The following NKAIN2 variants were observed in gnomAD, a reference collection of about 807,000 sequenced individuals.
The protein encoded by NKAIN2 is sodium/potassium-transporting ATPase subunit beta-1-interacting protein 2.
A neutral mutation model predicts 32.6 loss-of-function variants in NKAIN2; 14 were observed. The observed-to-expected ratio is 0.43, with a 90% CI of 0.28 to 0.67. NKAIN2 has a LOEUF of 0.67. NKAIN2 is among the 30% of genes least tolerant of loss of function. The pLI, the probability that NKAIN2 is intolerant of heterozygous loss-of-function variation, is 0.17. For synonymous variants in NKAIN2, 80 were observed against 87.2 expected, an observed-to-expected ratio of 0.92 and a Z score of 0.46; for missense variants, 198 against 258.3, an observed-to-expected ratio of 0.77 and a Z score of 1.60.
intron 1 of NKAIN2, among the ~76,000 whole-genome samples, chr6:123,865,018 C>T (rs999902349): frequency 1.3e-5 from 2 of 152,038 alleles, no homozygotes; most frequent in African/African-American, 4.8e-5. Flanking sequence ...TCTAATCCTT[C>T]TAATTAAGTT....
At chr6:123,860,613 GT>G (rs1775749417) in intron 1 of NKAIN2, among the ~76,000 whole-genome samples, 1 of 152,086 alleles carries the variant, frequency 6.6e-6, no homozygotes, top group Non-Finnish European at 1.5e-5. Context: ...ATTTCACCAT[GT>G]TGCCCAGGCT....
chr6:124,585,617 T>C (rs1206193275), intron 3 of NKAIN2, among the ~76,000 whole-genome samples: 1 of 152,106 alleles, frequency 6.6e-6, no homozygotes, highest in African/African-American at 2.4e-5. Context: ...TAAAAATAAA[T>C]GAGCAAAACA....
intron 1 of NKAIN2, among the ~76,000 whole-genome samples, chr6:124,174,014 C>A (rs949751568): frequency 6.6e-6 from 1 of 151,912 alleles, no homozygotes; most frequent in African/African-American, 2.4e-5. Flanking sequence ...GTTTATCTGG[C>A]CATTTTGAGG....
intron 1 of NKAIN2, among the ~76,000 whole-genome samples, chr6:124,010,940 T>C (rs1377594361): frequency 6.6e-6 from 1 of 152,158 alleles, no homozygotes; most frequent in Non-Finnish European, 1.5e-5. Context: ...TTTACCCTTA[T>C]ATCATTTTTA....
At chr6:124,252,956 A>G (rs1033627046) in intron 1 of NKAIN2, among the ~76,000 whole-genome samples, 2 of 152,204 alleles carry the variant, frequency 1.3e-5, no homozygotes, top group Admixed American at 1.3e-4. Context: ...AAAATTTATA[A>G]AAGCATATCC....
intron 1 of NKAIN2, among the ~76,000 whole-genome samples, chr6:123,806,001 A>G (rs970929930): frequency 6.6e-6 from 1 of 152,192 alleles, no homozygotes; most frequent in Non-Finnish European, 1.5e-5. Flanking sequence ...TTAATTTTAG[A>G]AAAACATAAA....
intron 3 of NKAIN2, among the ~76,000 whole-genome samples, chr6:124,571,377 C>T (rs901618181): frequency 6.6e-6 from 1 of 152,064 alleles, no homozygotes; most frequent in African/African-American, 2.4e-5. Context: ...TGTGTCCCCA[C>T]CCAAATCTCA....
chr6:124,588,795 A>G (rs975043777), intron 3 of NKAIN2, among the ~76,000 whole-genome samples: 4 of 152,154 alleles, frequency 2.6e-5, no homozygotes, highest in African/African-American at 9.7e-5. Flanking sequence ...CAGGGACCAT[A>G]GAGAGATTGA....
intron 4 of NKAIN2, among the ~76,000 whole-genome samples, chr6:124,688,351 GC>G (rs1173353798): frequency 2.6e-5 from 4 of 151,846 alleles, no homozygotes; most frequent in African/African-American, 9.7e-5. Context: ...TAGATTAATA[GC>G]AAAATTGAAG....
chr6:124,092,717 T>A (rs1738933991), intron 1 of NKAIN2, among the ~76,000 whole-genome samples: 1 of 152,084 alleles, frequency 6.6e-6, no homozygotes, highest in Non-Finnish European at 1.5e-5. Context: ...AGCCTATTTA[T>A]GTAAAATTCT....
chr6:123,980,290 A>G (rs961701258), intron 1 of NKAIN2, among the ~76,000 whole-genome samples: 5 of 152,208 alleles, frequency 3.3e-5, no homozygotes, highest in African/African-American at 9.6e-5. Context: ...GAGGCTCTGA[A>G]GCTGCTAATG....
intron 1 of NKAIN2, among the ~76,000 whole-genome samples, chr6:123,991,517 C>T (rs1343598808): frequency 6.6e-6 from 1 of 151,998 alleles, no homozygotes. Flanking sequence ...CCATGTAATA[C>T]TTAGCAATTT....
intron 3 of NKAIN2, among the ~76,000 whole-genome samples, chr6:124,397,655 T>C (rs1773443082): frequency 6.6e-6 from 1 of 151,524 alleles, no homozygotes; most frequent in Non-Finnish European, 1.5e-5. Context: ...AAAAAAAAAC[T>C]GTTTAAATTG....
intron 3 of NKAIN2, among the ~76,000 whole-genome samples, chr6:124,600,081 G>A (rs186224547): frequency 7.0e-4 from 106 of 152,238 alleles, no homozygotes; most frequent in African/African-American, 2.5e-3. Context: ...CCATGCTACA[G>A]TGAGTAAAAG....
rs566764208 is a variant in NKAIN2, at chr6:124,681,854, A to C, written c.474+23468A>C. Among the ~76,000 whole-genome samples, 5 of 152,202 alleles carry C rather than the reference A, an allele frequency of 3.3e-5. No individual in the cohort carries two copies. The East Asian group carries it at 9.7e-4, about 29-fold the overall frequency. On this transcript the variant is annotated intron_variant, in intron 4 of 6. Coordinates refer to ENST00000368417, the MANE Select transcript of NKAIN2 (RefSeq NM_001040214.3). ...CCTATAAACAGGTGGGAAACCAGAA[A>C]TAGAAATAAAAATTTAAGAGATCAT...
At chr6:124,634,109 T>A (rs1320132392) in intron 3 of NKAIN2, among the ~76,000 whole-genome samples, 28 of 150,620 alleles carry the variant, frequency 1.9e-4, no homozygotes, top group African/African-American at 5.6e-4. Context: ...AAAAAAAAAA[T>A]TTCCTAGAAA....
rs1469491712 is a variant in NKAIN2, at chr6:124,194,061, G to A, written c.55-88944G>A. Among the ~76,000 whole-genome samples the A allele has an allele frequency of 3.3e-5, 5 of 152,040 alleles. No individual in the cohort carries two copies. In the South Asian group the frequency reaches 6.2e-4, roughly 19 times the overall value. Reference sequence around the variant, plus strand: ...CTGAATGAGTCTGGGGCTTTTATGGGTCTCAGTGGGGAGGACGTGCACTCC... The same window carrying A: ...CTGAATGAGTCTGGGGCTTTTATGGATCTCAGTGGGGAGGACGTGCACTCC... On this transcript the variant is annotated intron_variant, in intron 1 of 6. Coordinates refer to ENST00000368417, the MANE Select transcript of NKAIN2 (RefSeq NM_001040214.3).
intron 1 of NKAIN2, among the ~76,000 whole-genome samples, chr6:123,812,298 T>C (rs1484716268): frequency 6.6e-6 from 1 of 152,188 alleles, no homozygotes; most frequent in Non-Finnish European, 1.5e-5. Context: ...AGTGATTGCC[T>C]ACACAATATT....
intron 1 of NKAIN2, among the ~76,000 whole-genome samples, chr6:124,080,739 C>T (rs1019742040): frequency 7.0e-5 from 7 of 99,550 alleles, no homozygotes; most frequent in African/African-American, 3.2e-4. Flanking sequence ...CAAAAACACT[C>T]CCCCCCTCCA....
Sources: gnomAD v4.1 joint callset for allele counts (sites outside exome capture counted in the v4.1 genomes callset) on GRCh38, gnomAD v4.1.1 for gene constraint, MANE v1.5 for transcripts, NCBI Gene and HGNC (gene_info 2026-07-23, HGNC 2026-07-21) for gene names.